Variants in INTS15 observed in about 807,000 individuals in gnomAD.
INTS15 encodes the protein uncharacterized protein C7orf26.
the INTS15 span, chr7:6,607,440 G>GGGGTGGGAGGT: frequency 1.2e-6 from 1 of 867,772 alleles, no homozygotes; most frequent in South Asian, 1.4e-5. This position sits in a 1 kb window ranked among gnomAD's most constrained non-coding sequence, Gnocchi z 6.0. Flanking sequence ...TGCGCGGGGC[G>GGGGTGGGAGGT]GGGTGGGAGG....
the INTS15 span, among the ~76,000 whole-genome samples, chr7:6,592,652 A>G: frequency 1.4e-5 from 2 of 147,594 alleles, no homozygotes; most frequent in Non-Finnish European, 3.0e-5. Flanking sequence ...TCTGTCACCC[A>G]GGGTGGAGTG....
At chr7:6,597,320 A>G in the INTS15 span, among the ~76,000 whole-genome samples, 2 of 149,180 alleles carry the variant, frequency 1.3e-5, no homozygotes, top group Admixed American at 6.7e-5. Context: ...TTTGAGATGG[A>G]GTCTCACTCT....
the INTS15 span, among the ~76,000 whole-genome samples, chr7:6,605,413 C>A: frequency 6.6e-6 from 1 of 152,168 alleles, no homozygotes; most frequent in African/African-American, 2.4e-5. Flanking sequence ...CTTTGTCCAC[C>A]GCTTTTATTT....
the INTS15 span, among the ~76,000 whole-genome samples, chr7:6,606,535 GCAGA>G: frequency 1.3e-5 from 2 of 152,136 alleles, no homozygotes; most frequent in African/African-American, 4.8e-5. Context: ...TGCAGGCGCT[GCAGA>G]CACAGGACCC....
chr7:6,606,078 C>G, the INTS15 span, among the ~76,000 whole-genome samples: 13 of 152,328 alleles, frequency 8.5e-5, no homozygotes, highest in African/African-American at 3.1e-4. Context: ...CTTTCTATCT[C>G]CGGCAGGGTG....
chr7:6,598,733 CTTTGTGTGTGTGTGTGTG>C, the INTS15 span, among the ~76,000 whole-genome samples: 1 of 50,884 alleles, frequency 2.0e-5, no homozygotes, highest in Admixed American at 2.2e-4. Context: ...GGGCTGTATG[CTTTGTGTGTGTGTGTGTG>C]TGTGTGTGTG....
At chr7:6,592,509 G>A in the INTS15 span, among the ~76,000 whole-genome samples, 2 of 151,734 alleles carry the variant, frequency 1.3e-5, no homozygotes, top group Non-Finnish European at 2.9e-5. Flanking sequence ...GGAGGTTGCC[G>A]TGAGCCGAGA....
chr7:6,601,519 C>T, the INTS15 span, among the ~76,000 whole-genome samples: 2 of 152,150 alleles, frequency 1.3e-5, no homozygotes, highest in Non-Finnish European at 2.9e-5. Flanking sequence ...TGGTTTCAAA[C>T]TCCTGACCTC....
At chr7:6,594,415 A>C in the INTS15 span, 6 of 1,613,598 alleles carry the variant, frequency 3.7e-6, no homozygotes, top group Non-Finnish European at 5.1e-6. Flanking sequence ...AGTTAAGTGG[A>C]CTGTGTGGCT....
At chr7:6,599,763 C>G in the INTS15 span, 3 of 1,514,946 alleles carry the variant, frequency 2.0e-6, no homozygotes, top group Non-Finnish European at 2.7e-6. Flanking sequence ...AGGCTTCCCT[C>G]TCTCCACTTC....
the INTS15 span, among the ~76,000 whole-genome samples, chr7:6,595,036 A>T: frequency 6.7e-6 from 1 of 148,174 alleles, no homozygotes; most frequent in Non-Finnish European, 1.5e-5. Flanking sequence ...CTGAGTTTTT[A>T]TTTTTTATTT....
chr7:6,592,602 T>C, the INTS15 span, among the ~76,000 whole-genome samples: 1 of 151,958 alleles, frequency 6.6e-6, no homozygotes, highest in African/African-American at 2.4e-5. Flanking sequence ...AGGGTGTGTT[T>C]TTTTTTCTTT....
chr7:6,602,713 C>T, the INTS15 span: 7 of 471,162 alleles, frequency 1.5e-5, no homozygotes, highest in South Asian at 7.7e-5. Context: ...TCTCATCCTA[C>T]TCCTTGCCAC....
At chr7:6,596,015 G>C in the INTS15 span, among the ~76,000 whole-genome samples, 11 of 150,600 alleles carry the variant, frequency 7.3e-5, no homozygotes, top group African/African-American at 2.7e-4. Flanking sequence ...TCCAGTATTG[G>C]TCTCCCACCA....
At chr7:6,608,388 G>T in the INTS15 span, 1 of 1,401,996 alleles carries the variant, frequency 7.1e-7, no homozygotes, top group Admixed American at 3.2e-5. Context: ...AGAGCCTGCT[G>T]CGTGCATTTT....
At chr7:6,599,937 T>C in the INTS15 span, 1 of 1,614,118 alleles carries the variant, frequency 6.2e-7, no homozygotes, top group African/African-American at 1.3e-5. Context: ...GCGGCCAATC[T>C]GCCAATAGGA....
the INTS15 span, chr7:6,594,499 T>G: frequency 6.2e-7 from 1 of 1,614,126 alleles, no homozygotes; most frequent in Non-Finnish European, 8.5e-7. Context: ...TGCTGTTTGG[T>G]GCCGGGATCC....
At chr7:6,606,628 G>C in the INTS15 span, among the ~76,000 whole-genome samples, 1 of 152,108 alleles carries the variant, frequency 6.6e-6, no homozygotes, top group African/African-American at 2.4e-5. Flanking sequence ...TTCCGATGGG[G>C]GAAGCAAGGG....
the INTS15 span, among the ~76,000 whole-genome samples, chr7:6,597,154 CA>C: frequency 6.6e-6 from 1 of 152,172 alleles, no homozygotes; most frequent in Non-Finnish European, 1.5e-5. Flanking sequence ...GGAGCAGGGC[CA>C]CGCTGCTGCA....
Sources: allele counts gnomAD v4.1 joint callset (sites outside exome capture counted in the v4.1 genomes callset), GRCh38; gene constraint gnomAD v4.1.1; non-coding constraint Gnocchi (gnomAD v3.1); transcripts MANE v1.5; gene names NCBI Gene and HGNC (gene_info 2026-07-23, HGNC 2026-07-21).